LCORL: variants seen among roughly 807,000 people sequenced by gnomAD.
LCORL encodes ligand dependent nuclear receptor corepressor like, also known as ligand-dependent nuclear receptor corepressor-like protein.
LCORL carries 41 observed loss-of-function variants against 141.8 expected under a neutral mutation model. That is an observed-to-expected ratio of 0.29 (90% confidence interval 0.23 to 0.38). LCORL has a LOEUF of 0.38. Ranked by LOEUF, LCORL falls within the 10% of genes least tolerant of loss-of-function variation. The probability of loss-of-function intolerance (pLI) is 1.00; values close to 1 mark genes in which losing one functional copy is unlikely to be tolerated. For synonymous variants in LCORL, 618 were observed against 694.1 expected (o/e 0.89, Z 1.72); for missense variants, 1,759 against 2,035.0 (o/e 0.86, Z 2.61).
intron 7 of LCORL, among the ~76,000 whole-genome samples, chr4:17,849,393 G>A (rs983531885): frequency 1.9e-4 from 29 of 152,302 alleles, no homozygotes; most frequent in African/African-American, 5.3e-4. Context: ...TGCAGCCACC[G>A]CTGCTGTTAC....
intron 1 of LCORL, among the ~76,000 whole-genome samples, chr4:18,012,739 TTATC>T (rs1337716633): frequency 6.6e-6 from 1 of 152,196 alleles, no homozygotes; most frequent in Non-Finnish European, 1.5e-5. Context: ...TCCCATTTCT[TTATC>T]TAATATATTT....
intron 7 of LCORL, among the ~76,000 whole-genome samples, chr4:17,851,779 T>C (rs1326260739): frequency 2.0e-5 from 3 of 152,188 alleles, no homozygotes; most frequent in African/African-American, 7.2e-5. Context: ...CATTTTACAG[T>C]CTAACCAACA....
intron 1 of LCORL, among the ~76,000 whole-genome samples, chr4:17,994,909 C>G (rs1462576642): frequency 6.6e-6 from 1 of 151,730 alleles, no homozygotes; most frequent in Admixed American, 6.6e-5. Flanking sequence ...CTGGTCCATG[C>G]TAGGCACTCA....
At chr4:17,907,655 A>AT (rs142188113) in intron 5 of LCORL, among the ~76,000 whole-genome samples, 6,406 of 151,964 alleles carry the variant, frequency 0.042, 444 homozygotes, top group African/African-American at 0.15. Context: ...GATTGTGAGG[A>AT]TTTTTTTTAC....
At chr4:17,872,736 A>C (rs1038974231) in intron 7 of LCORL, among the ~76,000 whole-genome samples, 3 of 152,132 alleles carry the variant, frequency 2.0e-5, no homozygotes, top group Admixed American at 2.0e-4. Context: ...CCTCATCTTT[A>C]TATCTGTGGA....
chr4:18,020,078 A>C (rs1725246545), intron 1 of LCORL, among the ~76,000 whole-genome samples: 1 of 152,190 alleles, frequency 6.6e-6, no homozygotes, highest in Non-Finnish European at 1.5e-5. Flanking sequence ...AAAAGCAGTA[A>C]ATTACTTAAA....
chr4:17,847,633 A>C (rs1367100912), intron 7 of LCORL, among the ~76,000 whole-genome samples: 1 of 152,246 alleles, frequency 6.6e-6, no homozygotes, highest in Non-Finnish European at 1.5e-5. Flanking sequence ...TGTGACAAAG[A>C]GATCCAAAGT....
intron 4 of LCORL, among the ~76,000 whole-genome samples, chr4:17,957,455 C>G (rs1355365619): frequency 6.6e-6 from 1 of 151,794 alleles, no homozygotes; most frequent in Non-Finnish European, 1.5e-5. Flanking sequence ...GATGGAAGAC[C>G]AGAAGCTCCA....
At chr4:17,921,574 G>C (rs1209239562) in intron 4 of LCORL, among the ~76,000 whole-genome samples, 1 of 152,152 alleles carries the variant, frequency 6.6e-6, no homozygotes, top group African/African-American at 2.4e-5. Context: ...GAGCTCTTAG[G>C]TAATCAAGTG....
At chr4:17,890,905 T>C (rs545642593) in intron 5 of LCORL, among the ~76,000 whole-genome samples, 37 of 152,148 alleles carry the variant, frequency 2.4e-4, no homozygotes, top group Non-Finnish European at 4.7e-4. Context: ...AAATTTCTGA[T>C]ACAGGATCTA....
At chr4:17,940,287 T>C (rs1737719827) in intron 4 of LCORL, among the ~76,000 whole-genome samples, 1 of 148,586 alleles carries the variant, frequency 6.7e-6, no homozygotes, top group Non-Finnish European at 1.5e-5. Flanking sequence ...GATTAAATAG[T>C]AAAGGAGGTA....
intron 6 of LCORL, among the ~76,000 whole-genome samples, chr4:17,880,044 C>T (rs1242803782): frequency 6.6e-6 from 1 of 150,948 alleles, no homozygotes; most frequent in Non-Finnish European, 1.5e-5. Flanking sequence ...TTCTGACATT[C>T]TAAGCAAAGC....
At chr4:17,973,540 T>C (rs1039944815) in intron 1 of LCORL, among the ~76,000 whole-genome samples, 1 of 151,882 alleles carries the variant, frequency 6.6e-6, no homozygotes, top group African/African-American at 2.4e-5. Flanking sequence ...TTGAAGTCTG[T>C]AACATATTTA....
At chr4:17,899,927 C>T (rs544120589) in intron 5 of LCORL, among the ~76,000 whole-genome samples, 1 of 152,068 alleles carries the variant, frequency 6.6e-6, no homozygotes, top group Non-Finnish European at 1.5e-5. Flanking sequence ...GGGCCCCATC[C>T]ACAAGATATC....
intron 4 of LCORL, among the ~76,000 whole-genome samples, chr4:17,926,344 C>A (rs943251967): frequency 1.3e-5 from 2 of 152,156 alleles, no homozygotes; most frequent in Admixed American, 1.3e-4. Flanking sequence ...GCCAGCTCGG[C>A]TACGATAAAA....
chr4:18,009,729 A>G (rs1723388822), intron 1 of LCORL, among the ~76,000 whole-genome samples: 1 of 151,938 alleles, frequency 6.6e-6, no homozygotes, highest in African/African-American at 2.4e-5. Context: ...ACCTTCCCCC[A>G]TACCAGGCCA....
intron 4 of LCORL, among the ~76,000 whole-genome samples, chr4:17,938,297 A>T (rs1737214016): frequency 6.6e-6 from 1 of 151,672 alleles, no homozygotes; most frequent in South Asian, 2.1e-4. Flanking sequence ...ATGAGCCACC[A>T]CGCACAGCCA....
intron 1 of LCORL, among the ~76,000 whole-genome samples, chr4:18,003,560 C>A (rs918111579): frequency 1.3e-5 from 2 of 151,938 alleles, no homozygotes; most frequent in Non-Finnish European, 2.9e-5. Flanking sequence ...GCAGTTTTTG[C>A]CATCAAAAGT....
At chr4:17,917,869 G>A (rs1442710475) in intron 4 of LCORL, among the ~76,000 whole-genome samples, 1 of 152,202 alleles carries the variant, frequency 6.6e-6, no homozygotes, top group Admixed American at 6.5e-5. Context: ...CTGAATCTCA[G>A]TAAGTACAGC....
Sources: gnomAD v4.1 joint callset for allele counts (sites outside exome capture counted in the v4.1 genomes callset) on GRCh38, gnomAD v4.1.1 for gene constraint, MANE v1.5 for transcripts, NCBI Gene and HGNC (gene_info 2026-07-23, HGNC 2026-07-21) for gene names.